The following FRMD4B variants were observed in gnomAD, a reference collection of about 807,000 sequenced individuals.
FRMD4B encodes the protein FERM domain containing 4B.
A neutral mutation model predicts 141.5 loss-of-function variants in FRMD4B; 74 were observed. The ratio of observed to expected loss-of-function variants is 0.52; its 90% CI spans 0.43 to 0.63. The LOEUF (loss-of-function observed/expected upper bound fraction) is 0.63, where lower values mean the gene tolerates loss of function less well. Ranked by LOEUF, FRMD4B falls within the 30% of genes least tolerant of loss-of-function variation. FRMD4B has a pLI of 0.00. For missense variants in FRMD4B, 1,366 were observed against 1,253.4 expected (o/e 1.09, Z -1.36); for synonymous variants, 506 against 467.9 (o/e 1.08, Z -1.05).
At chr3:69,458,059 C>T (rs746065527) in intron 1 of FRMD4B, among the ~76,000 whole-genome samples, 17 of 152,224 alleles carry the variant, frequency 1.1e-4, no homozygotes, top group Non-Finnish European at 1.8e-4. Context: ...TCCTGGGAAT[C>T]TCCTCTCCCA....
chr3:69,415,444 C>T (rs1198893932), intron 2 of FRMD4B, among the ~76,000 whole-genome samples: 1 of 152,096 alleles, frequency 6.6e-6, no homozygotes, highest in Non-Finnish European at 1.5e-5. Flanking sequence ...TCTCCCTTGC[C>T]CCTTGTCCTA....
chr3:69,171,749 A>C lies in FRMD4B; in HGVS notation c.*112T>G. On this transcript the variant is annotated 3_prime_UTR_variant, in exon 23 of 23. Coordinates refer to ENST00000398540, the MANE Select transcript of FRMD4B (RefSeq NM_015123.3). Reference sequence around the variant, plus strand: ...CCAGGGCAACTAAGTCTTCTCTTCAACCTTTGATGTCTTTAGGTTTCTAAA... The same window carrying C: ...CCAGGGCAACTAAGTCTTCTCTTCACCCTTTGATGTCTTTAGGTTTCTAAA... The C allele has an allele frequency of 9.7e-7, 1 of 1,026,934 alleles. No individual in the cohort carries two copies. The highest frequency in any genetic ancestry group is 2.1e-5 in the Admixed American group (1 of 47,122). The allele number at this position is 1,026,934 out of a possible 1,614,324, so 63.6% of individuals were successfully genotyped here.
intron 7 of FRMD4B, among the ~76,000 whole-genome samples, chr3:69,237,475 CTG>C (rs2093352601): frequency 6.6e-6 from 1 of 152,250 alleles, no homozygotes; most frequent in African/African-American, 2.4e-5. Flanking sequence ...CCCACTGTTT[CTG>C]TGAGAGGTGG....
chr3:69,285,427 A>C (rs965494275), intron 5 of FRMD4B, among the ~76,000 whole-genome samples: 3 of 151,944 alleles, frequency 2.0e-5, no homozygotes, highest in Admixed American at 2.0e-4. Context: ...CTGAAGAAAT[A>C]ACGGCTAAAA....
intron 7 of FRMD4B, among the ~76,000 whole-genome samples, chr3:69,241,962 C>T (rs1263404545): frequency 1.3e-5 from 2 of 152,010 alleles, no homozygotes; most frequent in African/African-American, 4.8e-5. Context: ...GGTTTGGAGC[C>T]CTAATTTGCC....
intron 2 of FRMD4B, among the ~76,000 whole-genome samples, chr3:69,420,305 A>AAC (rs397969011): frequency 1.3e-5 from 2 of 150,966 alleles, no homozygotes; most frequent in Non-Finnish European, 3.0e-5. Context: ...AAAAAAAAAA[A>AAC]CAACCAAAAC....
intron 5 of FRMD4B, among the ~76,000 whole-genome samples, chr3:69,265,638 G>A (rs2093557820): frequency 1.3e-5 from 2 of 151,306 alleles, no homozygotes; most frequent in African/African-American, 4.9e-5. Context: ...TAGTAGTGAC[G>A]GGGTTTCACT....
chr3:69,397,153 C>T (rs374062537), intron 2 of FRMD4B, among the ~76,000 whole-genome samples: 3 of 152,012 alleles, frequency 2.0e-5, no homozygotes, highest in East Asian at 3.9e-4. Flanking sequence ...ATGTAGTATA[C>T]GTATATGACG....
intron 5 of FRMD4B, among the ~76,000 whole-genome samples, chr3:69,279,860 C>T (rs2093636867): frequency 6.6e-6 from 1 of 151,438 alleles, no homozygotes; most frequent in Non-Finnish European, 1.5e-5. Context: ...TGGTCTCTAC[C>T]ACAGAGCACC....
chr3:69,290,458 G>T (rs1390861197), intron 4 of FRMD4B, among the ~76,000 whole-genome samples: 1 of 152,196 alleles, frequency 6.6e-6, no homozygotes, highest in Non-Finnish European at 1.5e-5. Context: ...CCAGAGGTTG[G>T]CTGCTGCTAC....
intron 5 of FRMD4B, among the ~76,000 whole-genome samples, chr3:69,285,465 G>A (rs1216725026): frequency 2.7e-5 from 4 of 147,428 alleles, no homozygotes; most frequent in Non-Finnish European, 5.9e-5. Context: ...ACAACTATAA[G>A]CCAAGATGCT....
chr3:69,462,434 C>G (rs1705721648), intron 1 of FRMD4B, among the ~76,000 whole-genome samples: 1 of 152,206 alleles, frequency 6.6e-6, no homozygotes, highest in African/African-American at 2.4e-5. Context: ...AAGACACAAA[C>G]AGCCTTGTCA....
chr3:69,525,802 G>C (rs1442011595), intron 1 of FRMD4B, among the ~76,000 whole-genome samples: 1 of 151,414 alleles, frequency 6.6e-6, no homozygotes, highest in Non-Finnish European at 1.5e-5. Context: ...ACAGATGTGT[G>C]CCACCATGCC....
rs1464907731 is a variant in FRMD4B, at chr3:69,181,676, T to G, written c.2074A>C (p.Ser692Arg). Residue 692 changes from serine to arginine, a missense_variant, in exon 21 of 23, where the codon AGT becomes CGT. Physicochemically the swap from Ser to Arg is moderately radical, Grantham distance 110. Transcript: ENST00000398540. ...TGGGACTGGGACTCCAGGCTTCCAC[T>G]CCGCTGGCGGCAGTGCTGAGATGAA... is the stretch of plus-strand genomic sequence containing the variant. ...ESSSQHCRQR[S>R]GSLESQSHLL... 6.2e-7 allele frequency: 1 copy of G among 1,613,396 alleles called. No homozygotes were observed. Among genetic ancestry groups the G allele is most frequent in the Non-Finnish European group, 8.5e-7 (1 of 1,179,596 alleles).
chr3:69,258,123 C>T (rs1575664487), intron 5 of FRMD4B, among the ~76,000 whole-genome samples: 1 of 152,120 alleles, frequency 6.6e-6, no homozygotes, highest in Admixed American at 6.6e-5. Flanking sequence ...GCCACCGTGC[C>T]TGGCCATAAT....
intron 1 of FRMD4B, among the ~76,000 whole-genome samples, chr3:69,504,604 G>C (rs6549226): frequency 0.22 from 33,499 of 152,098 alleles, 4,018 homozygotes; most frequent in African/African-American, 0.32. Flanking sequence ...TTCAGTTAAT[G>C]TTTGTGAGGC....
At chr3:69,455,536 C>G (rs377271365) in intron 1 of FRMD4B, among the ~76,000 whole-genome samples, 20 of 152,172 alleles carry the variant, frequency 1.3e-4, no homozygotes, top group Admixed American at 8.5e-4. Flanking sequence ...GACCATTAAC[C>G]GGTAAGAAGG....
intron 1 of FRMD4B, among the ~76,000 whole-genome samples, chr3:69,515,595 T>C (rs1436683635): frequency 2.6e-5 from 4 of 152,168 alleles, no homozygotes; most frequent in Non-Finnish European, 5.9e-5. Context: ...TGAGATCTCT[T>C]TCATTAGGCT....
chr3:69,196,620 T>C lies in FRMD4B; in HGVS notation c.1093-224A>G, dbSNP rs117978471. On this transcript the variant is annotated intron_variant, in intron 13 of 22. Coordinates refer to ENST00000398540, the MANE Select transcript of FRMD4B (RefSeq NM_015123.3). ...TGATTTTCTCATGGTGTGGTTCAGTTACTAACTTTGAAGTGTCACCGGCAA... is the reference window on the plus strand; with the variant it reads ...TGATTTTCTCATGGTGTGGTTCAGTCACTAACTTTGAAGTGTCACCGGCAA... 2.3e-3 allele frequency: 1,347 copies of C among 578,598 alleles called. 27 individuals are homozygous for C. In the East Asian group the frequency reaches 0.037, roughly 16 times the overall value. 35.8% of individuals were successfully genotyped at this position (578,598 alleles called of 1,614,324 possible).
Sources: allele counts gnomAD v4.1 joint callset (sites outside exome capture counted in the v4.1 genomes callset), GRCh38; gene constraint gnomAD v4.1.1; transcripts MANE v1.5; gene names NCBI Gene and HGNC (gene_info 2026-07-23, HGNC 2026-07-21).